The following KIAA1549 variants were observed in gnomAD, a reference collection of about 807,000 sequenced individuals.
KIAA1549 encodes the protein KIAA1549.
In KIAA1549, 70 loss-of-function variants were observed where a neutral mutation model predicts 156.4. The observed-to-expected ratio is 0.45, with a 90% CI of 0.37 to 0.55. The LOEUF (loss-of-function observed/expected upper bound fraction) is 0.55. Among genes scored for constraint, KIAA1549 ranks in the 20% least tolerant of loss-of-function variants. The probability of loss-of-function intolerance (pLI) is 0.00; values close to 1 mark genes in which losing one functional copy is unlikely to be tolerated. For synonymous variants in KIAA1549, 1,103 were observed against 1,066.4 expected, an observed-to-expected ratio of 1.03 and a Z score of -0.67; for missense variants, 2,428 against 2,540.9, an observed-to-expected ratio of 0.96 and a Z score of 0.96.
At chr7:138,848,159 G>C (rs1381656875) in intron 17 of KIAA1549, among the ~76,000 whole-genome samples, 1 of 152,168 alleles carries the variant, frequency 6.6e-6, no homozygotes, top group African/African-American at 2.4e-5. Context: ...AATAATAACA[G>C]TATTACTCCT....
At chr7:138,843,708 C>T (rs932540129) in intron 18 of KIAA1549, among the ~76,000 whole-genome samples, 1 of 152,076 alleles carries the variant, frequency 6.6e-6, no homozygotes, top group African/African-American at 2.4e-5. Flanking sequence ...GGTTCAAATA[C>T]CTAAAATTAG....
rs1809556889 is a variant in KIAA1549, at chr7:138,832,226, T to TC, written c.*5679dup. On this transcript the variant is annotated 3_prime_UTR_variant, in exon 20 of 20. Transcript: ENST00000422774. ...TTTTTTTTTTTCCAGAGACAGGACC[T>TC]CACCCTGCAGCCCAGGCTGGAGTGC... is the stretch of plus-strand genomic sequence containing the variant. The TC allele has an allele frequency of 2.2e-5, 4 of 179,124 alleles. No homozygotes were observed. The East Asian group carries it at 3.3e-4, about 15-fold the overall frequency. 11.1% of individuals were successfully genotyped at this position (179,124 alleles called of 1,614,324 possible). A position where few individuals can be genotyped will look rare whatever the true frequency, so the allele number is the denominator to read the frequency against.
At position 138,832,322 on chromosome 7, in the gene KIAA1549, G is replaced by A. The variant is rs777727671; in HGVS notation, c.*5584C>T. 19 of 195,732 alleles carry A rather than the reference G, an allele frequency of 9.7e-5. No homozygotes were observed. Among genetic ancestry groups the A allele is most frequent in the Admixed American group, 1.8e-4 (3 of 16,312 alleles). 12.1% of individuals were successfully genotyped at this position (195,732 alleles called of 1,614,324 possible). ...AGCGATCCTCCAGTCTTAGCCTTTCGAGTAGCTGGGACTACTGGCACATGC... is the reference window on the plus strand; with the variant it reads ...AGCGATCCTCCAGTCTTAGCCTTTCAAGTAGCTGGGACTACTGGCACATGC... On this transcript the variant is annotated 3_prime_UTR_variant, in exon 20 of 20. Coordinates refer to ENST00000422774, the MANE Select transcript of KIAA1549 (RefSeq NM_001164665.2).
chr7:138,927,925 T>C lies in KIAA1549; in HGVS notation c.188-8487A>G, dbSNP rs545175884. Among the ~76,000 whole-genome samples, 8 of 150,716 alleles carry C rather than the reference T, an allele frequency of 5.3e-5. No homozygotes were observed. In the East Asian group the frequency reaches 1.6e-3, roughly 29 times the overall value. On this transcript the variant is annotated intron_variant, in intron 1 of 19. Transcript: ENST00000422774. Reference sequence around the variant, plus strand: ...GTTGCCTCTGCTATTGTCTTGTCTTTTTTTTTTTTTTTTGAGACAGAGTCT... The same window carrying C: ...GTTGCCTCTGCTATTGTCTTGTCTTCTTTTTTTTTTTTTGAGACAGAGTCT...
At chr7:138,878,343 T>C (rs760243701) in intron 12 of KIAA1549, among the ~76,000 whole-genome samples, 3 of 152,176 alleles carry the variant, frequency 2.0e-5, no homozygotes, top group Non-Finnish European at 4.4e-5. Flanking sequence ...AGCGTGTCAG[T>C]GAGAGGAGAG....
In KIAA1549 at chr7:138,911,241, A is replaced by G. The variant is rs1386739636; in HGVS notation, c.3050T>C (p.Leu1017Pro). Reference sequence around the variant, plus strand: ...GTCACGGACAAGCTTACTGTTTATAAGCACATTTATGACGGATATTGCCGT... The same window carrying G: ...GTCACGGACAAGCTTACTGTTTATAGGCACATTTATGACGGATATTGCCGT... ...VYTAISVINV[L>P]INSKLVRDQT... Residue 1017 changes from leucine to proline, a missense_variant, in exon 4 of 20, where the codon CTT becomes CCT. Coordinates refer to ENST00000422774, the MANE Select transcript of KIAA1549 (RefSeq NM_001164665.2). 1 of 1,603,546 alleles carries G rather than the reference A, an allele frequency of 6.2e-7. No individual in the cohort carries two copies. The highest frequency in any genetic ancestry group is 8.5e-7 in the Non-Finnish European group (1 of 1,174,580).
Position 138,871,381 on chromosome 7 carries a change from C to T in KIAA1549, c.4346-19G>A. The T allele has an allele frequency of 6.7e-7, 1 of 1,496,360 alleles. No individual in the cohort carries two copies. Among genetic ancestry groups the T allele is most frequent in the South Asian group, 1.4e-5 (1 of 73,786 alleles). 92.7% of individuals were successfully genotyped at this position (1,496,360 alleles called of 1,614,324 possible). On this transcript the variant is annotated intron_variant, in intron 12 of 19. Coordinates refer to ENST00000422774, the MANE Select transcript of KIAA1549 (RefSeq NM_001164665.2). ...GGTGGCCCTGGAACAGAAGGAAAAG[C>T]AAAACACATACACGAAGTCATCTAA...
rs1008806066 is a variant in KIAA1549 at position 138,981,301 on chromosome 7, C to T, written c.-32G>A. On this transcript the variant is annotated 5_prime_UTR_variant, in exon 1 of 20. Coordinates refer to ENST00000422774, the MANE Select transcript of KIAA1549 (RefSeq NM_001164665.2). This position sits in a 1 kb window ranked among gnomAD's most constrained non-coding sequence, Gnocchi z 4.5. ...CCGGCGCCCCGGCCCGGCCTCGCGGCTCAGCGGCTCTCGGGTCCGGGAGGG... is the reference window on the plus strand; with the variant it reads ...CCGGCGCCCCGGCCCGGCCTCGCGGTTCAGCGGCTCTCGGGTCCGGGAGGG... 1.1e-6 allele frequency: 1 copy of T among 924,362 alleles called. No homozygotes were observed. Among genetic ancestry groups the T allele is most frequent in the African/African-American group, 1.8e-5 (1 of 55,594 alleles). The allele number at this position is 924,362 out of a possible 1,614,324, so 57.3% of individuals were successfully genotyped here.
At chr7:138,948,774 T>C (rs932928812) in intron 1 of KIAA1549, among the ~76,000 whole-genome samples, 5 of 150,386 alleles carry the variant, frequency 3.3e-5, no homozygotes, top group African/African-American at 9.7e-5. Flanking sequence ...CTCACTGCAA[T>C]CTCTGCCTCC....
chr7:138,847,587 T>C (rs910349095), intron 17 of KIAA1549, among the ~76,000 whole-genome samples: 2 of 152,252 alleles, frequency 1.3e-5, no homozygotes, highest in African/African-American at 2.4e-5. Flanking sequence ...TGTCCACACA[T>C]AGCTTGTCGA....
intron 16 of KIAA1549, among the ~76,000 whole-genome samples, chr7:138,858,884 T>G (rs1398777907): frequency 6.6e-6 from 1 of 151,982 alleles, no homozygotes; most frequent in African/African-American, 2.4e-5. Context: ...CAGGTGCCTA[T>G]AATCCCAGCT....
intron 1 of KIAA1549, among the ~76,000 whole-genome samples, chr7:138,929,434 T>A (rs958512658): frequency 6.6e-6 from 1 of 152,224 alleles, no homozygotes; most frequent in Non-Finnish European, 1.5e-5. Flanking sequence ...AGGTTCTTCA[T>A]TCCATCTGCA....
At chr7:138,967,311 C>T (rs774680590) in intron 1 of KIAA1549, among the ~76,000 whole-genome samples, 7 of 152,118 alleles carry the variant, frequency 4.6e-5, no homozygotes, top group South Asian at 2.1e-4. Flanking sequence ...AGAGGAATTA[C>T]GGAGGCGGTT....
chr7:138,905,133 C>G, intron 6 of KIAA1549, 52 bp from the exon 7 acceptor site: 2 of 1,255,046 alleles, frequency 1.6e-6, no homozygotes, highest in South Asian at 2.6e-5. Flanking sequence ...AAAAACAAAG[C>G]CATGTTTACA....
chr7:138,848,188 CT>C (rs1810134286), intron 17 of KIAA1549, among the ~76,000 whole-genome samples: 1 of 152,128 alleles, frequency 6.6e-6, no homozygotes. Flanking sequence ...ATTCTTTACT[CT>C]TTTTGTGTTT....
At chr7:138,911,067 G>T in intron 4 of KIAA1549, 79 bp downstream of exon 4, 2 of 1,042,496 alleles carry the variant, frequency 1.9e-6, no homozygotes, top group South Asian at 3.9e-5. Flanking sequence ...TTCTAAAAAT[G>T]ATTTCCAATA....
rs142899927 is a variant in KIAA1549 at position 138,900,619 on chromosome 7, G to C, written c.3670-1487C>G. ...TTGAAATGTGATCCCCGATGGTGGT[G>C]GGGGAGCCTAATGGGAGGTATCTGA... On this transcript the variant is annotated intron_variant, in intron 8 of 19. Coordinates refer to ENST00000422774, the MANE Select transcript of KIAA1549 (RefSeq NM_001164665.2). Among the ~76,000 whole-genome samples the C allele has an allele frequency of 5.1e-3, 771 of 152,310 alleles. 4 individuals carry two copies. The highest frequency in any genetic ancestry group is 0.01 in the Middle Eastern group (3 of 294).
chr7:138,953,534 G>C (rs574681606), intron 1 of KIAA1549, among the ~76,000 whole-genome samples: 1 of 151,972 alleles, frequency 6.6e-6, no homozygotes, highest in African/African-American at 2.4e-5. Context: ...ACAAAAAAGC[G>C]TAAATCTACA....
At chr7:138,888,553 C>G (rs1009761017) in intron 10 of KIAA1549, among the ~76,000 whole-genome samples, 1 of 152,222 alleles carries the variant, frequency 6.6e-6, no homozygotes, top group African/African-American at 2.4e-5. Context: ...TAACAGCAAT[C>G]ATCTATGTGT....
Sources: gnomAD v4.1 joint callset for allele counts (sites outside exome capture counted in the v4.1 genomes callset) on GRCh38, gnomAD v4.1.1 for gene constraint, Gnocchi (gnomAD v3.1) non-coding constraint, MANE v1.5 for transcripts, NCBI Gene and HGNC (gene_info 2026-07-23, HGNC 2026-07-21) for gene names.